Variants in TMEM132D observed in about 807,000 individuals in gnomAD.
The protein encoded by TMEM132D is mature OL transmembrane protein.
TMEM132D carries 21 observed loss-of-function variants against 62.3 expected under a neutral mutation model. The observed-to-expected ratio is 0.34, with a 90% CI of 0.24 to 0.49. TMEM132D has a LOEUF of 0.49. TMEM132D is among the 20% of genes least tolerant of loss of function. TMEM132D has a pLI of 0.99. For missense variants in TMEM132D, 1,346 were observed against 1,402.8 expected (o/e 0.96, Z 0.65); for synonymous variants, 621 against 575.6 (o/e 1.08, Z -1.13).
At chr12:129,543,138 G>A (rs1876628405) in intron 2 of TMEM132D, among the ~76,000 whole-genome samples, 1 of 139,952 alleles carries the variant, frequency 7.1e-6, no homozygotes, top group Admixed American at 7.7e-5. Flanking sequence ...TGGATGGATG[G>A]ACAGCTGGAC....
At chr12:129,782,227 A>G (rs1871139440) in intron 1 of TMEM132D, among the ~76,000 whole-genome samples, 1 of 152,120 alleles carries the variant, frequency 6.6e-6, no homozygotes, top group Non-Finnish European at 1.5e-5. Context: ...TCCAGTGAAA[A>G]TTTCCTTTGA....
chr12:129,334,777 ACAAGGTTTCAC>A (rs1869222686), intron 4 of TMEM132D, among the ~76,000 whole-genome samples: 1 of 152,120 alleles, frequency 6.6e-6, no homozygotes, highest in South Asian at 2.1e-4. Flanking sequence ...TTTAGTAGAG[ACAAGGTTTCAC>A]CATGTTGGCC....
chr12:129,211,317 T>G (rs947562316), intron 4 of TMEM132D, among the ~76,000 whole-genome samples: 20 of 152,208 alleles, frequency 1.3e-4, no homozygotes, highest in African/African-American at 4.6e-4. Context: ...TGCTAGTTGC[T>G]GGTTAGGGTG....
chr12:129,375,707 T>C (rs1161270759), intron 3 of TMEM132D, among the ~76,000 whole-genome samples: 1 of 152,130 alleles, frequency 6.6e-6, no homozygotes, highest in Non-Finnish European at 1.5e-5. Flanking sequence ...AGCAAATATA[T>C]ACCATGACTC....
chr12:129,771,672 G>A (rs1322335084), intron 1 of TMEM132D, among the ~76,000 whole-genome samples: 4 of 152,176 alleles, frequency 2.6e-5, no homozygotes, highest in Admixed American at 1.3e-4. Context: ...TGATCCCAGC[G>A]ATCCAATGCA....
chr12:129,320,363 T>C (rs1868650674), intron 4 of TMEM132D, among the ~76,000 whole-genome samples: 2 of 152,284 alleles, frequency 1.3e-5, no homozygotes, highest in Admixed American at 6.5e-5. Context: ...TACAGAATAA[T>C]AATAATTAGT....
intron 3 of TMEM132D, among the ~76,000 whole-genome samples, chr12:129,501,455 T>A (rs7974992): frequency 0.54 from 82,430 of 152,076 alleles, 23,083 homozygotes; most frequent in African/African-American, 0.7. Flanking sequence ...CAGAATATCC[T>A]CATAGAAATA....
chr12:129,493,065 C>T (rs920484830), intron 3 of TMEM132D, among the ~76,000 whole-genome samples: 1 of 152,150 alleles, frequency 6.6e-6, no homozygotes, highest in Non-Finnish European at 1.5e-5. Context: ...CCACCTGTGC[C>T]CCTGTATCCA....
intron 2 of TMEM132D, among the ~76,000 whole-genome samples, chr12:129,692,328 A>G (rs771240691): frequency 1.9e-4 from 29 of 152,218 alleles, no homozygotes; most frequent in Non-Finnish European, 4.3e-4. Context: ...AGGCTAAAGA[A>G]GAAAGATCGT....
chr12:129,810,177 G>A (rs1217423008), intron 1 of TMEM132D, among the ~76,000 whole-genome samples: 2 of 151,954 alleles, frequency 1.3e-5, no homozygotes, highest in Admixed American at 6.6e-5. Flanking sequence ...TATCTCTAAC[G>A]CCAGCACTCA....
chr12:129,815,729 A>C (rs1251864262), intron 1 of TMEM132D, among the ~76,000 whole-genome samples: 1 of 152,182 alleles, frequency 6.6e-6, no homozygotes, highest in Non-Finnish European at 1.5e-5. Context: ...ATTTTCTCCA[A>C]GTGATGAGAT....
rs554583805 is a variant in TMEM132D at position 129,143,490 on chromosome 12, C to G, written c.1444-58788G>C. On this transcript the variant is annotated intron_variant, in intron 5 of 8. Coordinates refer to ENST00000422113, the MANE Select transcript of TMEM132D (RefSeq NM_133448.3). ...CTCCCAGCATATGCGGCAGGACTGTCTCTGAATGAGGGTCTTTTGACCCAT... is the reference window on the plus strand; with the variant it reads ...CTCCCAGCATATGCGGCAGGACTGTGTCTGAATGAGGGTCTTTTGACCCAT... 4.2e-4 allele frequency among the ~76,000 whole-genome samples: 64 copies of G among 152,316 alleles called. 2 individuals are homozygous for G. The South Asian group carries it at 0.013, about 31-fold the overall frequency.
chr12:129,824,443 C>T (rs1053372726), intron 1 of TMEM132D, among the ~76,000 whole-genome samples: 4 of 152,122 alleles, frequency 2.6e-5, no homozygotes, highest in Non-Finnish European at 4.4e-5. Context: ...GTGCCCTCCC[C>T]CGCCCCCAGA....
At chr12:129,245,998 A>G (rs923532493) in intron 4 of TMEM132D, among the ~76,000 whole-genome samples, 2 of 152,172 alleles carry the variant, frequency 1.3e-5, no homozygotes, top group African/African-American at 4.8e-5. Context: ...CAGCTGCCCC[A>G]TGAACTAGAA....
intron 3 of TMEM132D, among the ~76,000 whole-genome samples, chr12:129,425,953 T>C (rs990852765): frequency 6.6e-6 from 1 of 152,188 alleles, no homozygotes; most frequent in Admixed American, 6.5e-5. Context: ...ATATGACAAA[T>C]GGCAGATGCT....
chr12:129,796,267 G>T, intron 1 of TMEM132D, among the ~76,000 whole-genome samples: 1 of 152,112 alleles, frequency 6.6e-6, no homozygotes, highest in Middle Eastern at 3.2e-3. Context: ...GATGATGAAT[G>T]TAACAATATT....
intron 1 of TMEM132D, among the ~76,000 whole-genome samples, chr12:129,831,033 T>G (rs1872812879): frequency 6.6e-6 from 1 of 152,154 alleles, no homozygotes; most frequent in Non-Finnish European, 1.5e-5. Flanking sequence ...ACAGGCAGGC[T>G]CTCTCTTTCC....
intron 2 of TMEM132D, among the ~76,000 whole-genome samples, chr12:129,628,453 G>T (rs991442509): frequency 6.6e-6 from 1 of 152,164 alleles, no homozygotes; most frequent in East Asian, 1.9e-4. Flanking sequence ...TCAGGGACGT[G>T]TCTGTACCCT....
At chr12:129,815,500 G>A (rs779671464) in intron 1 of TMEM132D, among the ~76,000 whole-genome samples, 8 of 152,290 alleles carry the variant, frequency 5.3e-5, no homozygotes, top group South Asian at 4.1e-4. Context: ...CTGTCTCACC[G>A]TTCCAGGAGC....
Sources: allele counts gnomAD v4.1 joint callset (sites outside exome capture counted in the v4.1 genomes callset), GRCh38; gene constraint gnomAD v4.1.1; transcripts MANE v1.5; gene names NCBI Gene and HGNC (gene_info 2026-07-23, HGNC 2026-07-21).